Variants in STAU2 observed in about 807,000 individuals in gnomAD.
STAU2 encodes the protein double-stranded RNA-binding protein Staufen homolog 2.
Under a neutral mutation model 65.9 loss-of-function variants are expected in STAU2, and 20 were observed. The ratio of observed to expected loss-of-function variants is 0.30; its 90% confidence interval spans 0.21 to 0.44. The LOEUF (loss-of-function observed/expected upper bound fraction) is 0.44. Ranked by LOEUF, STAU2 falls within the 20% of genes least tolerant of loss-of-function variation. The probability of loss-of-function intolerance (pLI) is 1.00; values close to 1 mark genes in which losing one functional copy is unlikely to be tolerated. For synonymous variants in STAU2, 232 were observed against 233.9 expected (o/e 0.99, Z 0.07); for missense variants, 558 against 683.9 (o/e 0.82, Z 2.05).
intron 13 of STAU2, among the ~76,000 whole-genome samples, chr8:73,499,192 T>C (rs934292952): frequency 1.3e-5 from 2 of 151,804 alleles, no homozygotes; most frequent in Non-Finnish European, 2.9e-5. Context: ...CTCACAATCA[T>C]GTGCACCAAT....
intron 6 of STAU2, among the ~76,000 whole-genome samples, chr8:73,631,356 A>G (rs1407844920): frequency 3.3e-5 from 5 of 151,768 alleles, no homozygotes; most frequent in African/African-American, 1.2e-4. Context: ...AGCCTAGGCA[A>G]TAGAGTGAGA....
chr8:73,424,409 C>T (rs1816644117), intron 13 of STAU2, among the ~76,000 whole-genome samples: 1 of 152,006 alleles, frequency 6.6e-6, no homozygotes, highest in African/African-American at 2.4e-5. Flanking sequence ...CCATGTTGGC[C>T]AGGCTGGTCT....
intron 5 of STAU2, among the ~76,000 whole-genome samples, chr8:73,687,814 C>G (rs958721564): frequency 1.1e-4 from 17 of 151,816 alleles, no homozygotes; most frequent in Non-Finnish European, 2.4e-4. Flanking sequence ...CGGGTTCACG[C>G]CATTCTCCTG....
intron 13 of STAU2, chr8:73,550,284 CAAT>C: frequency 2.0e-6 from 2 of 984,688 alleles, no homozygotes; most frequent in Non-Finnish European, 2.4e-6. Context: ...CTTAGCAATG[CAAT>C]AATGAGGGAA....
At chr8:73,688,422 T>A (rs1819095817) in intron 5 of STAU2, among the ~76,000 whole-genome samples, 1 of 151,976 alleles carries the variant, frequency 6.6e-6, no homozygotes, top group Admixed American at 6.6e-5. Context: ...CGCCTCGGCC[T>A]CCCAAAGTGC....
intron 12 of STAU2, among the ~76,000 whole-genome samples, chr8:73,570,687 G>C (rs2128955535): frequency 6.6e-6 from 1 of 152,278 alleles, no homozygotes; most frequent in African/African-American, 2.4e-5. Flanking sequence ...AAAATTTTAA[G>C]GGCAGCCAGA....
At chr8:73,635,908 CCACACA>C (rs756554962) in intron 6 of STAU2, among the ~76,000 whole-genome samples, 1 of 74,878 alleles carries the variant, frequency 1.3e-5, no homozygotes, top group Non-Finnish European at 2.3e-5. Context: ...GACCCCTGAA[CCACACA>C]CACACACACA....
At chr8:73,655,639 C>CTTTTTTT (rs71269930) in intron 6 of STAU2, among the ~76,000 whole-genome samples, 4 of 104,748 alleles carry the variant, frequency 3.8e-5, no homozygotes, top group Non-Finnish European at 5.7e-5. Context: ...TTTAATACAT[C>CTTTTTTT]TTTTTTTTTT....
intron 13 of STAU2, among the ~76,000 whole-genome samples, chr8:73,448,243 C>A (rs1818584393): frequency 6.6e-6 from 1 of 152,012 alleles, no homozygotes; most frequent in African/African-American, 2.4e-5. Context: ...GGTCAGGGAC[C>A]ATTTTGGGAA....
chr8:73,425,368 C>A (rs1057397106), intron 13 of STAU2, among the ~76,000 whole-genome samples: 1 of 152,148 alleles, frequency 6.6e-6, no homozygotes, highest in Admixed American at 6.5e-5. Flanking sequence ...TGGAGTGATG[C>A]CGCAGCAGCC....
Position 73,421,366 on chromosome 8 carries a change from G to C in STAU2, c.*6C>G. On this transcript the variant is annotated 3_prime_UTR_variant, in exon 15 of 15. Coordinates refer to ENST00000524300, the MANE Select transcript of STAU2 (RefSeq NM_001164380.2). ...ATGCGGTGGCAGCCGCGGGTTCTGG[G>C]AGCTGCTAGACGGCCGAGTTTGATT... 1 of 1,537,218 alleles carries C rather than the reference G, an allele frequency of 6.5e-7. No homozygotes were observed. Among genetic ancestry groups the C allele is most frequent in the Non-Finnish European group, 8.7e-7 (1 of 1,146,892 alleles).
chr8:73,667,778 T>C (rs958725035), intron 6 of STAU2, among the ~76,000 whole-genome samples: 2 of 152,258 alleles, frequency 1.3e-5, no homozygotes, highest in Non-Finnish European at 2.9e-5. Flanking sequence ...TGAATGAAGA[T>C]GACCTCACGA....
intron 13 of STAU2, among the ~76,000 whole-genome samples, chr8:73,536,552 T>A (rs1048859910): frequency 6.6e-6 from 1 of 152,144 alleles, no homozygotes; most frequent in African/African-American, 2.4e-5. Context: ...CGACCCAATT[T>A]CCTTGCTAAA....
chr8:73,482,979 T>C (rs182693614), intron 13 of STAU2, among the ~76,000 whole-genome samples: 32 of 152,256 alleles, frequency 2.1e-4, no homozygotes, highest in Non-Finnish European at 2.2e-4. Context: ...AATTTCCTTG[T>C]ATCAGAACCA....
At position 73,694,913 on chromosome 8, in the gene STAU2, C is replaced by T. The variant is rs117798728; in HGVS notation, c.115-6100G>A. ...CCTGCACAGGGAGGGAGGATTTGGA[C>T]CAGCACTAGCTGGAGGGGAATTGCC... On this transcript the variant is annotated intron_variant, in intron 4 of 14. Transcript: ENST00000524300. Among the ~76,000 whole-genome samples, 190 of 152,320 alleles carry T rather than the reference C, an allele frequency of 1.2e-3. 4 individuals are homozygous for T. In the East Asian group the frequency reaches 0.036, roughly 29 times the overall value.
chr8:73,542,697 A>C (rs1806622327), intron 13 of STAU2, among the ~76,000 whole-genome samples: 1 of 152,180 alleles, frequency 6.6e-6, no homozygotes. Flanking sequence ...ACAAATGACC[A>C]ATAAGCACAT....
chr8:73,510,194 A>C (rs1822307184), intron 13 of STAU2, among the ~76,000 whole-genome samples: 1 of 151,922 alleles, frequency 6.6e-6, no homozygotes, highest in Non-Finnish European at 1.5e-5. Context: ...CAGCCTCCCA[A>C]ATAGCTGGGA....
At chr8:73,542,784 A>G (rs1379805402) in intron 13 of STAU2, among the ~76,000 whole-genome samples, 1 of 152,152 alleles carries the variant, frequency 6.6e-6, no homozygotes, top group Non-Finnish European at 1.5e-5. Flanking sequence ...ACTCTCAATA[A>G]AATAAGACTG....
chr8:73,449,282 A>G (rs896500330), intron 13 of STAU2, among the ~76,000 whole-genome samples: 4 of 152,222 alleles, frequency 2.6e-5, no homozygotes, highest in African/African-American at 7.2e-5. Context: ...AGCAGGCATC[A>G]GGATGGGTCC....
Sources: allele counts gnomAD v4.1 joint callset (sites outside exome capture counted in the v4.1 genomes callset), GRCh38; gene constraint gnomAD v4.1.1; transcripts MANE v1.5; gene names NCBI Gene and HGNC (gene_info 2026-07-23, HGNC 2026-07-21).